Variants in GALNTL6 observed in about 807,000 individuals in gnomAD.
The protein encoded by GALNTL6 is polypeptide N-acetylgalactosaminyltransferase like 6.
GALNTL6 carries 46 observed loss-of-function variants against 73.7 expected under a neutral mutation model. That is an observed-to-expected ratio of 0.62 (90% CI 0.49 to 0.80). GALNTL6 has a LOEUF of 0.80. Ranked by LOEUF, GALNTL6 falls within the 30% of genes least tolerant of loss-of-function variation. The pLI is 0.00. For synonymous variants in GALNTL6, 259 were observed against 263.7 expected, an observed-to-expected ratio of 0.98 and a Z score of 0.17; for missense variants, 604 against 755.0, an observed-to-expected ratio of 0.80 and a Z score of 2.34.
intron 5 of GALNTL6, among the ~76,000 whole-genome samples, chr4:172,621,629 T>A (rs1163946842): frequency 6.6e-6 from 1 of 152,178 alleles, no homozygotes; most frequent in East Asian, 1.9e-4. Context: ...TTTTAAAGTA[T>A]TTTTCTTAGA....
At chr4:172,553,423 C>A (rs1165938378) in intron 5 of GALNTL6, among the ~76,000 whole-genome samples, 2 of 152,128 alleles carry the variant, frequency 1.3e-5, no homozygotes, top group Non-Finnish European at 2.9e-5. Context: ...TTAGTTTAAT[C>A]CAGCTGCCAG....
chr4:172,141,896 C>T (rs1733811663), intron 2 of GALNTL6, among the ~76,000 whole-genome samples: 1 of 119,200 alleles, frequency 8.4e-6, no homozygotes, highest in South Asian at 3.1e-4. Flanking sequence ...CACACACACA[C>T]ACACACACAC....
chr4:173,002,800 A>C (rs1343996550), intron 10 of GALNTL6, among the ~76,000 whole-genome samples: 3 of 151,686 alleles, frequency 2.0e-5, no homozygotes, highest in African/African-American at 7.3e-5. Flanking sequence ...GTCTCAAAAA[A>C]AAAAAAAAAA....
At chr4:172,199,285 T>A (rs560155746) in intron 2 of GALNTL6, among the ~76,000 whole-genome samples, 1 of 152,284 alleles carries the variant, frequency 6.6e-6, no homozygotes, top group Non-Finnish European at 1.5e-5. Context: ...GGAATTTTTT[T>A]AGTACAATAT....
intron 2 of GALNTL6, among the ~76,000 whole-genome samples, chr4:172,077,060 A>C (rs1306637367): frequency 6.6e-6 from 1 of 152,190 alleles, no homozygotes; most frequent in South Asian, 2.1e-4. Flanking sequence ...AAGTTTCCTG[A>C]GGCTTCTCAG....
chr4:172,605,047 AT>A (rs1738203157), intron 5 of GALNTL6, among the ~76,000 whole-genome samples: 1 of 152,224 alleles, frequency 6.6e-6, no homozygotes, highest in Non-Finnish European at 1.5e-5. Flanking sequence ...AGATATTAGC[AT>A]TTGAAATAAA....
intron 5 of GALNTL6, among the ~76,000 whole-genome samples, chr4:172,452,061 A>C (rs1281737485): frequency 3.3e-5 from 5 of 152,166 alleles, no homozygotes; most frequent in Non-Finnish European, 7.3e-5. Flanking sequence ...CAAAAAACCC[A>C]TGTAAGCATA....
At chr4:172,017,386 G>A (rs2110793028) in intron 2 of GALNTL6, among the ~76,000 whole-genome samples, 1 of 152,210 alleles carries the variant, frequency 6.6e-6, no homozygotes, top group Middle Eastern at 3.4e-3. Context: ...TCCAGGCATG[G>A]ATCTGGAGTG....
chr4:172,169,681 A>G (rs1734750793), intron 2 of GALNTL6, among the ~76,000 whole-genome samples: 1 of 152,186 alleles, frequency 6.6e-6, no homozygotes, highest in African/African-American at 2.4e-5. Flanking sequence ...AAATCCAACT[A>G]AGATTTTAGT....
chr4:171,872,366 T>G (rs1046643918), intron 2 of GALNTL6, among the ~76,000 whole-genome samples: 1 of 152,176 alleles, frequency 6.6e-6, no homozygotes, highest in East Asian at 1.9e-4. Flanking sequence ...TGGCAGTTTT[T>G]ATAAAATTTC....
intron 5 of GALNTL6, among the ~76,000 whole-genome samples, chr4:172,551,044 A>G (rs969180061): frequency 7.2e-5 from 11 of 152,220 alleles, no homozygotes; most frequent in African/African-American, 2.7e-4. Context: ...TGGTTAAAGC[A>G]CAGGTGCTAG....
At position 172,521,003 on chromosome 4, in the gene GALNTL6, T is replaced by C. The variant is rs995979115; in HGVS notation, c.553+172314T>C. Among the ~76,000 whole-genome samples the C allele has an allele frequency of 3.9e-5, 6 of 152,060 alleles. No homozygotes were observed. In the South Asian group the frequency reaches 1.0e-3, roughly 26 times the overall value. On this transcript the variant is annotated intron_variant, in intron 5 of 12. Coordinates refer to ENST00000506823, the MANE Select transcript of GALNTL6 (RefSeq NM_001034845.3). The stretch of plus-strand genomic sequence containing the variant: ...CCTAAATAGGTGTAAACAATTAAAA[T>C]TGTGGGAGTTTAGAGGAAAAAGTGA...
At chr4:172,822,947 G>T (rs2111028478) in intron 7 of GALNTL6, among the ~76,000 whole-genome samples, 1 of 152,144 alleles carries the variant, frequency 6.6e-6, no homozygotes, top group African/African-American at 2.4e-5. Flanking sequence ...TTCCTTAGCT[G>T]GGCATTTTCA....
chr4:172,828,654 T>C (rs1242630851), intron 7 of GALNTL6, among the ~76,000 whole-genome samples: 2 of 152,136 alleles, frequency 1.3e-5, no homozygotes, highest in South Asian at 2.1e-4. Context: ...TCATCCACAA[T>C]CTAGAACAGT....
intron 5 of GALNTL6, among the ~76,000 whole-genome samples, chr4:172,430,982 A>T (rs1731428539): frequency 6.6e-6 from 1 of 152,250 alleles, no homozygotes; most frequent in African/African-American, 2.4e-5. Flanking sequence ...TGTGTGGAGA[A>T]GCATACAGGC....
At chr4:172,444,658 T>C (rs780662673) in intron 5 of GALNTL6, among the ~76,000 whole-genome samples, 7 of 152,144 alleles carry the variant, frequency 4.6e-5, no homozygotes, top group African/African-American at 9.6e-5. Context: ...CAAACCATTA[T>C]GAAAAAAATT....
intron 2 of GALNTL6, among the ~76,000 whole-genome samples, chr4:171,913,259 A>G (rs1468870097): frequency 1.3e-5 from 2 of 152,246 alleles, no homozygotes; most frequent in African/African-American, 4.8e-5. Flanking sequence ...TAATCACAGC[A>G]TCTCAGCTAA....
intron 3 of GALNTL6, chr4:172,266,209 C>G (rs1359383219): frequency 6.6e-6 from 1 of 152,180 alleles, no homozygotes; most frequent in Non-Finnish European, 1.5e-5. Flanking sequence ...TGAGCAGGAG[C>G]AGTGAAAGGA....
At chr4:171,819,604 C>A (rs1364243306) in intron 2 of GALNTL6, among the ~76,000 whole-genome samples, 1 of 152,046 alleles carries the variant, frequency 6.6e-6, no homozygotes, top group Non-Finnish European at 1.5e-5. Flanking sequence ...TCAGGAGTAG[C>A]CGTGACAACC....
Sources: gnomAD v4.1 joint callset for allele counts (sites outside exome capture counted in the v4.1 genomes callset) on GRCh38, gnomAD v4.1.1 for gene constraint, MANE v1.5 for transcripts, NCBI Gene and HGNC (gene_info 2026-07-23, HGNC 2026-07-21) for gene names.